Variants in PRH1 observed in about 807,000 individuals in gnomAD.
The protein encoded by PRH1 is proline rich protein HaeIII subfamily 1, also known as salivary acidic proline-rich phosphoprotein 1/2.
PRH1 carries 7 observed loss-of-function variants against 7.9 expected under a neutral mutation model. The ratio of observed to expected loss-of-function variants is 0.89; its 90% CI spans 0.50 to 1.67. PRH1 has a LOEUF of 1.67. Among genes scored for constraint, PRH1 ranks in the 40% most tolerant of loss-of-function variants. The pLI, the probability that PRH1 is intolerant of heterozygous loss-of-function variation, is 0.00. For synonymous variants in PRH1, 45 were observed against 80.8 expected, an observed-to-expected ratio of 0.56 and a Z score of 2.38; for missense variants, 109 against 223.6, an observed-to-expected ratio of 0.49 and a Z score of 3.27.
intron 1 of PRH1, chr12:11,061,737 A>C (rs371367179): frequency 1.4e-6 from 2 of 1,475,388 alleles, no homozygotes; most frequent in South Asian, 1.2e-5. Flanking sequence ...GAGTGAAGGG[A>C]ACTAAGTTTG....
At chr12:11,081,005 C>T (rs796429787) in intron 1 of PRH1, among the ~76,000 whole-genome samples, 8,228 of 62,130 alleles carry the variant, frequency 0.13, 569 homozygotes, top group Middle Eastern at 0.24. Flanking sequence ...GTCATCATGC[C>T]TGAAGTTTGA....
intron 2 of PRH1, among the ~76,000 whole-genome samples, chr12:10,901,476 G>T (rs1949722953): frequency 6.6e-6 from 1 of 152,252 alleles, no homozygotes; most frequent in South Asian, 2.1e-4. Flanking sequence ...GCCATTGGAA[G>T]ACCTATAGGT....
In PRH1 at chr12:11,066,594, T is replaced by G. The variant is rs112287264; in HGVS notation, n.124-19406A>C. The stretch of plus-strand genomic sequence containing the variant: ...TAAAAATTACTTATTTTCCAAATTA[T>G]GTATTTAAATATTTCAAAAATATAT... On this transcript the variant is annotated intron_variant and non_coding_transcript_variant, in intron 1 of 4. Coordinates refer to the PRH1 transcript ENST00000541977. 1.6e-4 allele frequency among the ~76,000 whole-genome samples: 3 copies of G among 19,190 alleles called. 1 individual carries two copies. The highest frequency in any genetic ancestry group is 9.5e-4 in the Non-Finnish European group (3 of 3,166). 12.6% of individuals were successfully genotyped at this position (19,190 alleles called of 152,430 possible). A position where few individuals can be genotyped will look rare whatever the true frequency, so the allele number is the denominator to read the frequency against.
downstream of PRH1, among the ~76,000 whole-genome samples, chr12:11,117,742 C>A (rs938608117): frequency 6.6e-6 from 1 of 152,126 alleles, no homozygotes; most frequent in Admixed American, 6.5e-5. Flanking sequence ...TGGAACAGAA[C>A]AGACAACTCG....
At chr12:11,138,466 G>A (rs1259900927) in intron 1 of PRH1, among the ~76,000 whole-genome samples, 1 of 152,114 alleles carries the variant, frequency 6.6e-6, no homozygotes, top group Non-Finnish European at 1.5e-5. Flanking sequence ...CACATGAATA[G>A]TATTGTGAAA....
At chr12:10,926,247 T>C (rs1176549410) in intron 2 of PRH1, among the ~76,000 whole-genome samples, 4 of 152,198 alleles carry the variant, frequency 2.6e-5, no homozygotes, top group Admixed American at 2.6e-4. Context: ...ATTCTTCCAA[T>C]GTACATAAAC....
intron 1 of PRH1, among the ~76,000 whole-genome samples, chr12:11,158,356 T>C (rs1325371801): frequency 6.6e-6 from 1 of 152,036 alleles, no homozygotes; most frequent in Non-Finnish European, 1.5e-5. Flanking sequence ...TATTATGCTT[T>C]AACAAACTTA....
intron 1 of PRH1, among the ~76,000 whole-genome samples, chr12:10,976,985 T>C (rs1451369655): frequency 4.6e-5 from 7 of 152,028 alleles, no homozygotes; most frequent in Non-Finnish European, 1.0e-4. Context: ...CTATCAAATG[T>C]ATAACAAAGC....
At chr12:10,900,721 A>G (rs1337565576) in intron 2 of PRH1, among the ~76,000 whole-genome samples, 1 of 151,816 alleles carries the variant, frequency 6.6e-6, no homozygotes, top group Non-Finnish European at 1.5e-5. Context: ...ACTCTCCTCC[A>G]CTCTACCTCT....
intron 1 of PRH1, among the ~76,000 whole-genome samples, chr12:11,025,945 A>G (rs930078819): frequency 6.6e-6 from 1 of 152,280 alleles, no homozygotes; most frequent in Non-Finnish European, 1.5e-5. Context: ...GTTCTTTTTA[A>G]AAGTGTTTTT....
intron 1 of PRH1, among the ~76,000 whole-genome samples, chr12:11,021,200 C>T (rs948961047): frequency 1.1e-4 from 17 of 152,080 alleles, no homozygotes; most frequent in African/African-American, 4.1e-4. Context: ...ATAAAACCTA[C>T]CCCAAAGATC....
chr12:10,902,649 C>A (rs1452560363), intron 2 of PRH1, among the ~76,000 whole-genome samples: 4 of 152,054 alleles, frequency 2.6e-5, no homozygotes, highest in African/African-American at 7.2e-5. Context: ...ACAAAGGGAA[C>A]CCCATAAGGC....
At chr12:11,115,591 A>C (rs1945709563) in intron 1 of PRH1, among the ~76,000 whole-genome samples, 1 of 152,150 alleles carries the variant, frequency 6.6e-6, no homozygotes, top group African/African-American at 2.4e-5. Flanking sequence ...GTTTCAGAAT[A>C]AACATTCTTT....
At chr12:10,908,112 C>A in intron 2 of PRH1, 1 of 374,316 alleles carries the variant, frequency 2.7e-6, no homozygotes, top group South Asian at 8.5e-5. Flanking sequence ...TCTAAGTATG[C>A]TGTAGTATAT....
chr12:10,978,807 A>G (rs1939221750), intron 1 of PRH1, among the ~76,000 whole-genome samples: 1 of 152,236 alleles, frequency 6.6e-6, no homozygotes, highest in Admixed American at 6.5e-5. Flanking sequence ...CAACAAGCAT[A>G]TGAAAAAATG....
intron 1 of PRH1, among the ~76,000 whole-genome samples, chr12:11,081,767 G>T (rs1591975089): frequency 8.6e-6 from 1 of 116,070 alleles, no homozygotes; most frequent in Non-Finnish European, 2.0e-5. Context: ...ATGGGGCTCT[G>T]TGCCTTTAAA....
chr12:10,965,151 C>T, intron 2 of PRH1: 4 of 1,446,152 alleles, frequency 2.8e-6, no homozygotes, highest in Admixed American at 1.8e-5. Flanking sequence ...AAAACAGTTG[C>T]ATACCAATGT....
intron 2 of PRH1, among the ~76,000 whole-genome samples, chr12:10,893,722 T>A (rs933887798): frequency 6.6e-6 from 1 of 152,234 alleles, no homozygotes; most frequent in Non-Finnish European, 1.5e-5. Context: ...GATTACCATA[T>A]AATTAACTTT....
At chr12:11,098,939 C>T (rs1338903110) in intron 1 of PRH1, among the ~76,000 whole-genome samples, 1 of 152,036 alleles carries the variant, frequency 6.6e-6, no homozygotes, top group Non-Finnish European at 1.5e-5. Context: ...CCCTATTTTC[C>T]CACTCAAGAG....
Sources: gnomAD v4.1 joint callset for allele counts (sites outside exome capture counted in the v4.1 genomes callset) on GRCh38, gnomAD v4.1.1 for gene constraint, MANE v1.5 for transcripts, NCBI Gene and HGNC (gene_info 2026-07-23, HGNC 2026-07-21) for gene names.